MSH3: variants seen among roughly 807,000 people sequenced by gnomAD.
MSH3 encodes mutS homolog 3, also known as DNA mismatch repair protein Msh3.
In MSH3, 106 loss-of-function variants were observed where a neutral mutation model predicts 123.3. The observed-to-expected ratio is 0.86, with a 90% CI of 0.73 to 1.01. The LOEUF (loss-of-function observed/expected upper bound fraction) is 1.01, where lower values mean the gene tolerates loss of function less well. MSH3 is among the 50% of genes least tolerant of loss of function. The pLI, the probability that MSH3 is intolerant of heterozygous loss-of-function variation, is 0.00. For synonymous variants in MSH3, 515 were observed against 481.4 expected (o/e 1.07, Z -0.91); for missense variants, 1,459 against 1,347.6 (o/e 1.08, Z -1.29).
chr5:80,786,605 A>G (rs774183230), intron 17 of MSH3, among the ~76,000 whole-genome samples: 5 of 152,182 alleles, frequency 3.3e-5, no homozygotes, highest in African/African-American at 7.2e-5. Flanking sequence ...AAGCTCAGCT[A>G]TATATTTCCT....
chr5:80,827,647 A>G (rs1009767268), intron 20 of MSH3, among the ~76,000 whole-genome samples: 1 of 152,226 alleles, frequency 6.6e-6, no homozygotes, highest in Admixed American at 6.5e-5. Flanking sequence ...CATCTTATCA[A>G]TATCTCTGTG....
chr5:80,831,354 C>T (rs1009176903), intron 20 of MSH3, among the ~76,000 whole-genome samples: 1 of 152,190 alleles, frequency 6.6e-6, no homozygotes, highest in Non-Finnish European at 1.5e-5. Context: ...TGTAATTCCA[C>T]CACCTGGAGA....
Position 80,792,770 on chromosome 5 carries a change from A to C in MSH3, c.2581A>C (p.Asn861His), listed in dbSNP as rs937377851. ...AGAAGAAAGAAAAATTGTAATAAAA[A>C]ATGGAAGGCACCCTGTGATTGATGT... ...VQEERKIVIK[N>H]GRHPVIDVLL... is the part of the protein sequence containing the mutation. Residue 861 changes from asparagine to histidine, a missense_variant, in exon 19 of 24, where the codon AAT becomes CAT. Physicochemically the swap from Asn to His is moderately conservative, Grantham distance 68 (BLOSUM62 1). Coordinates refer to ENST00000265081, the MANE Select transcript of MSH3 (RefSeq NM_002439.5). 3.6e-5 allele frequency: 58 copies of C among 1,613,346 alleles called. No homozygotes were observed. Among genetic ancestry groups the C allele is most frequent in the Non-Finnish European group, 4.6e-5 (54 of 1,179,576 alleles).
intron 13 of MSH3, among the ~76,000 whole-genome samples, chr5:80,765,943 G>A (rs550878638): frequency 1.2e-4 from 18 of 152,176 alleles, no homozygotes; most frequent in African/African-American, 3.9e-4. Flanking sequence ...GTTTGGATTG[G>A]TATAAAATTC....
intron 8 of MSH3, among the ~76,000 whole-genome samples, chr5:80,721,332 T>TA (rs1751073382): frequency 6.6e-6 from 1 of 152,158 alleles, no homozygotes; most frequent in Admixed American, 6.5e-5. Flanking sequence ...AGATTTGTCC[T>TA]AAAAAAGTGC....
At chr5:80,749,118 A>G (rs1743779827) in intron 12 of MSH3, among the ~76,000 whole-genome samples, 1 of 152,188 alleles carries the variant, frequency 6.6e-6, no homozygotes, top group Non-Finnish European at 1.5e-5. Flanking sequence ...GAGAACTAAT[A>G]GGATAGATGT....
chr5:80,755,938 T>G (rs1443939972), intron 12 of MSH3, among the ~76,000 whole-genome samples: 2 of 152,160 alleles, frequency 1.3e-5, no homozygotes, highest in Non-Finnish European at 2.9e-5. Flanking sequence ...AGATTTTCAG[T>G]TTCAATTTAT....
At chr5:80,823,045 A>G (rs1017588870) in intron 20 of MSH3, among the ~76,000 whole-genome samples, 2 of 152,184 alleles carry the variant, frequency 1.3e-5, no homozygotes, top group South Asian at 4.1e-4. Context: ...GGGTAGTGTT[A>G]TGTGGAAAGA....
intron 14 of MSH3, 129 bp from the exon 15 acceptor site, chr5:80,768,706 T>C (rs991191718): frequency 5.3e-6 from 4 of 760,252 alleles, no homozygotes; most frequent in African/African-American, 5.2e-5. Flanking sequence ...CCATAAGTGC[T>C]TAGTGACAAT....
At chr5:80,660,810 C>G (rs1017518502) in intron 2 of MSH3, among the ~76,000 whole-genome samples, 2 of 152,100 alleles carry the variant, frequency 1.3e-5, no homozygotes, top group Admixed American at 1.3e-4. Flanking sequence ...CTCTTTCCCC[C>G]ACACCCGAGA....
intron 17 of MSH3, among the ~76,000 whole-genome samples, chr5:80,785,617 A>G (rs1428796779): frequency 2.0e-5 from 3 of 152,206 alleles, no homozygotes; most frequent in South Asian, 2.1e-4. Context: ...GTATATACCC[A>G]TGACCCAGCC....
chr5:80,773,363 T>C (rs1191984263), intron 15 of MSH3, among the ~76,000 whole-genome samples: 2 of 152,232 alleles, frequency 1.3e-5, no homozygotes, highest in Non-Finnish European at 2.9e-5. Context: ...AAAGTTACTT[T>C]TTGTAGCCAA....
At chr5:80,772,458 G>A (rs1313398530) in intron 15 of MSH3, among the ~76,000 whole-genome samples, 7 of 152,130 alleles carry the variant, frequency 4.6e-5, no homozygotes, top group African/African-American at 1.7e-4. Flanking sequence ...CCAGCCCAGT[G>A]ATACCACAGG....
At chr5:80,737,258 A>G (rs1743528314) in intron 10 of MSH3, among the ~76,000 whole-genome samples, 2 of 152,200 alleles carry the variant, frequency 1.3e-5, no homozygotes, top group Non-Finnish European at 2.9e-5. Context: ...CATGTGTTAT[A>G]TGGTAGTTTT....
At chr5:80,774,082 A>G (rs140254517) in intron 15 of MSH3, among the ~76,000 whole-genome samples, 5 of 152,290 alleles carry the variant, frequency 3.3e-5, no homozygotes, top group East Asian at 1.9e-4. Context: ...TTTGGTTGCA[A>G]TAATACAGAA....
At chr5:80,661,179 G>T (rs1017232216) in intron 2 of MSH3, among the ~76,000 whole-genome samples, 11 of 152,090 alleles carry the variant, frequency 7.2e-5, no homozygotes, top group Non-Finnish European at 1.5e-4. Context: ...GAGTCTGTGG[G>T]TTTATAGGTC....
Position 80,830,102 on chromosome 5 carries a change from A to G in MSH3, c.2813+16361A>G, listed in dbSNP as rs1484812691. On this transcript the variant is annotated intron_variant, in intron 20 of 23. Coordinates refer to ENST00000265081, the MANE Select transcript of MSH3 (RefSeq NM_002439.5). Reference sequence around the variant, plus strand: ...CTCCTCTTCTATTTTTAATATTAGTAATTTGTATCCTCTCTCTTTTTTTCT... The same window carrying G: ...CTCCTCTTCTATTTTTAATATTAGTGATTTGTATCCTCTCTCTTTTTTTCT... Among the ~76,000 whole-genome samples, 3 of 152,068 alleles carry G rather than the reference A, an allele frequency of 2.0e-5. No homozygotes were observed. In the East Asian group the frequency reaches 5.8e-4, roughly 29 times the overall value.
intron 8 of MSH3, among the ~76,000 whole-genome samples, chr5:80,701,354 G>A (rs568329017): frequency 1.3e-5 from 2 of 152,280 alleles, no homozygotes; most frequent in South Asian, 4.1e-4. Flanking sequence ...CTTTCTGCAA[G>A]GAGGCAGAGA....
At chr5:80,809,307 A>G (rs1384958531) in intron 19 of MSH3, among the ~76,000 whole-genome samples, 1 of 152,154 alleles carries the variant, frequency 6.6e-6, no homozygotes, top group Non-Finnish European at 1.5e-5. Flanking sequence ...TGGTATTATA[A>G]TATGCTTTAC....
Sources: allele counts gnomAD v4.1 joint callset (sites outside exome capture counted in the v4.1 genomes callset), GRCh38; gene constraint gnomAD v4.1.1; transcripts MANE v1.5; gene names NCBI Gene and HGNC (gene_info 2026-07-23, HGNC 2026-07-21).